PRKG1: variants seen among roughly 807,000 people sequenced by gnomAD.
PRKG1 encodes the protein cGMP-dependent protein kinase 1.
A neutral mutation model predicts 88.1 loss-of-function variants in PRKG1; 35 were observed. The observed-to-expected ratio is 0.40, with a 90% CI of 0.30 to 0.53. The LOEUF (loss-of-function observed/expected upper bound fraction) is 0.53, where lower values mean the gene tolerates loss of function less well. Among genes scored for constraint, PRKG1 ranks in the 20% least tolerant of loss-of-function variants. PRKG1 has a pLI of 0.59. For missense variants in PRKG1, 540 were observed against 839.8 expected (o/e 0.64, Z 4.41); for synonymous variants, 303 against 292.5 (o/e 1.04, Z -0.37).
chr10:51,226,345 T>G (rs2132100690), intron 2 of PRKG1, among the ~76,000 whole-genome samples: 1 of 152,332 alleles, frequency 6.6e-6, no homozygotes, highest in African/African-American at 2.4e-5. Flanking sequence ...GAGTCAAACT[T>G]TACGTTGTTG....
intron 4 of PRKG1, among the ~76,000 whole-genome samples, chr10:51,820,562 T>C (rs1033350599): frequency 1.2e-4 from 19 of 152,184 alleles, no homozygotes; most frequent in African/African-American, 4.3e-4. Flanking sequence ...CTGTTTCCTA[T>C]GAGCCTAGGA....
chr10:52,183,846 T>G (rs1387743307), intron 9 of PRKG1, among the ~76,000 whole-genome samples: 1 of 152,252 alleles, frequency 6.6e-6, no homozygotes, highest in African/African-American at 2.4e-5. Flanking sequence ...GCTCTGGGCT[T>G]GCAATGACTA....
intron 9 of PRKG1, among the ~76,000 whole-genome samples, chr10:52,224,501 A>C (rs12259238): frequency 2.0e-5 from 3 of 149,704 alleles, no homozygotes; most frequent in African/African-American, 7.4e-5. Flanking sequence ...TTGGTTACAT[A>C]AGTAAGTTTT....
intron 5 of PRKG1, among the ~76,000 whole-genome samples, chr10:51,961,229 C>T (rs1843439940): frequency 6.6e-6 from 1 of 151,964 alleles, no homozygotes; most frequent in Non-Finnish European, 1.5e-5. Context: ...TACTAAAATC[C>T]ATGCATGCTC....
intron 3 of PRKG1, among the ~76,000 whole-genome samples, chr10:51,605,536 A>C (rs2132234410): frequency 6.6e-6 from 1 of 152,350 alleles, no homozygotes; most frequent in African/African-American, 2.4e-5. Context: ...GCAGAGAAAC[A>C]AACATAATAC....
At chr10:51,144,962 T>C (rs1353343739) in intron 1 of PRKG1, among the ~76,000 whole-genome samples, 1 of 152,244 alleles carries the variant, frequency 6.6e-6, no homozygotes, top group Non-Finnish European at 1.5e-5. Flanking sequence ...TTTTACTAGC[T>C]GTATTTTTAG....
chr10:51,866,798 A>T (rs977231188), intron 4 of PRKG1, among the ~76,000 whole-genome samples: 19 of 152,196 alleles, frequency 1.2e-4, no homozygotes, highest in Non-Finnish European at 2.1e-4. Context: ...CTGTGCATTC[A>T]TTCAGTGTTC....
intron 5 of PRKG1, among the ~76,000 whole-genome samples, chr10:52,011,815 A>G (rs990999294): frequency 6.6e-6 from 1 of 152,062 alleles, no homozygotes; most frequent in African/African-American, 2.4e-5. Flanking sequence ...TCAGTGGGAG[A>G]TGATTGAATC....
In PRKG1 at chr10:52,288,766, A is replaced by G. The variant is rs1842176037; in HGVS notation, c.1750A>G (p.Ile584Val). The G allele has an allele frequency of 1.2e-6, 2 of 1,601,686 alleles. No individual in the cohort carries two copies. Among genetic ancestry groups the G allele is most frequent in the Non-Finnish European group, 8.5e-7 (1 of 1,176,274 alleles). Residue 584 changes from isoleucine (I) to valine (V), a missense_variant, in exon 15 of 18, where the codon ATC becomes GTC. Physicochemically the swap from Ile to Val is conservative, Grantham distance 29 (BLOSUM62 3). Transcript: ENST00000373980. ...SGPDPMKTYNIILRGIDMIEF... is the reference protein window; with the variant it reads ...SGPDPMKTYNVILRGIDMIEF... ...CCCAGATCCTATGAAAACCTATAAC[A>G]TCATATTGAGGGGGATTGACATGAT...
chr10:52,222,033 T>G (rs1372358935), intron 9 of PRKG1, among the ~76,000 whole-genome samples: 1 of 151,828 alleles, frequency 6.6e-6, no homozygotes, highest in East Asian at 1.9e-4. Flanking sequence ...TGGAGATGAG[T>G]GTATTAGGTC....
chr10:51,741,886 T>C (rs952670409), intron 3 of PRKG1, among the ~76,000 whole-genome samples: 4 of 152,218 alleles, frequency 2.6e-5, no homozygotes, highest in Non-Finnish European at 5.9e-5. Context: ...CAGTGGCAGA[T>C]CACCAACTGG....
chr10:51,987,458 C>CTT (rs56252793), intron 5 of PRKG1, among the ~76,000 whole-genome samples: 115 of 139,188 alleles, frequency 8.3e-4, no homozygotes, highest in Admixed American at 1.1e-3. Context: ...CTACTCATTA[C>CTT]TTTTTTTTTT....
Position 52,251,656 on chromosome 10 carries a change from G to C in PRKG1, c.1163G>C (p.Arg388Pro). 1 of 1,611,880 alleles carries C rather than the reference G, an allele frequency of 6.2e-7. No homozygotes were observed. Among genetic ancestry groups the C allele is most frequent in the Non-Finnish European group, 8.5e-7 (1 of 1,178,212 alleles). ...ACCCTTGGAGTTGGAGGTTTCGGACGAGTAGAACTGGTAGGTGATTGTTCT... is the reference window on the plus strand; with the variant it reads ...ACCCTTGGAGTTGGAGGTTTCGGACCAGTAGAACTGGTAGGTGATTGTTCT... ...IDTLGVGGFG[R>P]VELVQLKSEE... The change falls in exon 10 of 18, where the codon CGA becomes CCA. Residue 388 changes from arginine (R) to proline (P), a missense_variant. By Grantham distance (103) the Arg-to-Pro change is moderately radical (BLOSUM62 -2). This residue lies in a region of PRKG1 where 400 missense variants were observed against 562.7 expected (regional missense o/e 0.71). Transcript: ENST00000373980.
intron 1 of PRKG1, among the ~76,000 whole-genome samples, chr10:51,008,925 G>T (rs1365462857): frequency 1.3e-5 from 2 of 152,124 alleles, no homozygotes; most frequent in Non-Finnish European, 1.5e-5. Flanking sequence ...ATTTTTCAAA[G>T]GATATGGTGT....
At chr10:51,236,207 A>G (rs1369125613) in intron 2 of PRKG1, among the ~76,000 whole-genome samples, 1 of 152,164 alleles carries the variant, frequency 6.6e-6, no homozygotes, top group Non-Finnish European at 1.5e-5. Context: ...CTAGATGGCT[A>G]CCTCATTGAC....
intron 4 of PRKG1, among the ~76,000 whole-genome samples, chr10:51,884,147 T>A (rs1424874787): frequency 6.6e-6 from 1 of 151,262 alleles, no homozygotes; most frequent in African/African-American, 2.4e-5. Context: ...GAGTCACAGA[T>A]TAATTATAAG....
chr10:51,025,888 A>G (rs1289958051), intron 1 of PRKG1, among the ~76,000 whole-genome samples: 1 of 152,146 alleles, frequency 6.6e-6, no homozygotes, highest in African/African-American at 2.4e-5. Flanking sequence ...AGTACCTGAG[A>G]CTGAAACCTT....
intron 3 of PRKG1, among the ~76,000 whole-genome samples, chr10:51,634,701 A>C (rs1409536768): frequency 2.0e-5 from 3 of 152,242 alleles, no homozygotes; most frequent in East Asian, 3.9e-4. Context: ...CTAGAAAGCA[A>C]TGTTCAAGAG....
intron 5 of PRKG1, among the ~76,000 whole-genome samples, chr10:52,043,927 A>AG (rs1443899325): frequency 6.7e-6 from 1 of 149,604 alleles, no homozygotes; most frequent in Non-Finnish European, 1.5e-5. Context: ...GAAAAAAAAA[A>AG]AAAACCCAAG....
Sources: gnomAD v4.1 joint callset for allele counts (sites outside exome capture counted in the v4.1 genomes callset) on GRCh38, gnomAD v4.1.1 for gene constraint, gnomAD v4.1.1 regional missense constraint, MANE v1.5 for transcripts, NCBI Gene and HGNC (gene_info 2026-07-23, HGNC 2026-07-21) for gene names.